MEIS3: variants seen among roughly 807,000 people sequenced by gnomAD.
MEIS3 encodes homeobox protein Meis3.
Under a neutral mutation model 51.4 loss-of-function variants are expected in MEIS3, and 38 were observed. The observed-to-expected ratio is 0.74, with a 90% CI of 0.57 to 0.97. The LOEUF is 0.97. Ranked by LOEUF, MEIS3 falls within the 50% of genes least tolerant of loss-of-function variation. The probability of loss-of-function intolerance (pLI) is 0.00; values close to 1 mark genes in which losing one functional copy is unlikely to be tolerated. For synonymous variants in MEIS3, 198 were observed against 201.8 expected (o/e 0.98, Z 0.16); for missense variants, 456 against 502.6 (o/e 0.91, Z 0.89).
intron 11 of MEIS3, 71 bp downstream of exon 11, chr19:47,406,817 G>T: frequency 7.4e-7 from 1 of 1,346,794 alleles, no homozygotes; most frequent in Non-Finnish European, 1.0e-6. Context: ...TGAATCTCAG[G>T]TGGGCATCTT....
chr19:47,420,776 T>C (rs1014843671), upstream of MEIS3, among the ~76,000 whole-genome samples: 3 of 134,310 alleles, frequency 2.2e-5, no homozygotes, highest in Non-Finnish European at 3.2e-5. Flanking sequence ...TGGGGGAGGA[T>C]GGAGGATGCC....
chr19:47,417,659 TGACAGA>T (rs765360145), intron 1 of MEIS3: 33 of 702,028 alleles, frequency 4.7e-5, no homozygotes, highest in Non-Finnish European at 7.0e-5. Context: ...GAGAAGACAG[TGACAGA>T]GACAGAGAGA....
At chr19:47,404,710 G>A (rs1970737563) in intron 12 of MEIS3, among the ~76,000 whole-genome samples, 1 of 152,046 alleles carries the variant, frequency 6.6e-6, no homozygotes, top group Non-Finnish European at 1.5e-5. Flanking sequence ...CCTCCTCCAG[G>A]AAGCCCTCTC....
Position 47,406,933 on chromosome 19 carries a change from C to T in MEIS3, c.1033G>A (p.Gly345Arg), listed in dbSNP as rs1568419570. The change falls in exon 11 of 13, where the codon GGG becomes AGG. Residue 345 changes from glycine to arginine, a missense_variant. Coordinates refer to ENST00000558555, the MANE Select transcript of MEIS3 (RefSeq NM_001301059.2). ...TGTGGCTGCGTCTCGGTATAGCCCC[C>T]GATGGGCTGGCCCTCTGGGCTGAAG... ...AAFSPEGQPI[G>R]GYTETQPHVA... is the part of the protein sequence containing the mutation. The T allele has an allele frequency of 6.3e-7, 1 of 1,579,204 alleles. No individual in the cohort carries two copies. Among genetic ancestry groups the T allele is most frequent in the East Asian group, 2.3e-5 (1 of 43,358 alleles).
rs777052659 is a variant in MEIS3, at chr19:47,407,064, G to A, written c.994+15C>T. The A allele has an allele frequency of 1.2e-5, 20 of 1,607,004 alleles. No individual in the cohort carries two copies. The highest frequency in any genetic ancestry group is 1.4e-5 in the Non-Finnish European group (17 of 1,177,326). ...TAAGAACCCCAGGCTCTCCGTCCCC[G>A]CCTTCCCCCTGTACCTGTGCGGTTG... On this transcript the variant is annotated intron_variant, in intron 10 of 12. Coordinates refer to ENST00000558555, the MANE Select transcript of MEIS3 (RefSeq NM_001301059.2).
Position 47,403,318 on chromosome 19 carries a change from G to A in MEIS3, c.*253C>T. The stretch of plus-strand genomic sequence containing the variant: ...GCCATCTTCTGGGGACCAAGGCCCA[G>A]GAGCCCAGCTCGGGTCCCAGGCAGA... On this transcript the variant is annotated 3_prime_UTR_variant, in exon 13 of 13. Transcript: ENST00000558555. 4.7e-6 allele frequency: 2 copies of A among 424,754 alleles called. No individual in the cohort carries two copies. Among genetic ancestry groups the A allele is most frequent in the Non-Finnish European group, 9.4e-6 (2 of 213,316 alleles). The allele number at this position is 424,754 out of a possible 1,614,324, so 26.3% of individuals were successfully genotyped here. A position where few individuals can be genotyped will look rare whatever the true frequency, so the allele number is the denominator to read the frequency against.
intron 7 of MEIS3, 30 bp downstream of exon 7, chr19:47,409,406 T>C: frequency 6.3e-7 from 1 of 1,595,116 alleles, no homozygotes; most frequent in Non-Finnish European, 8.6e-7. Flanking sequence ...TTGACTCCCA[T>C]GTTTCCCTTC....
intron 6 of MEIS3, among the ~76,000 whole-genome samples, chr19:47,411,196 CAA>C (rs1198516296): frequency 6.6e-6 from 1 of 152,176 alleles, no homozygotes; most frequent in Non-Finnish European, 1.5e-5. Context: ...TTCTGCCTCC[CAA>C]AGTCTTGGAT....
At chr19:47,420,489 G>A (rs567668674), upstream of MEIS3, among the ~76,000 whole-genome samples, 9 of 150,136 alleles carry the variant, frequency 6.0e-5, no homozygotes, top group Non-Finnish European at 8.8e-5. Flanking sequence ...AACTGGAGTG[G>A]GGAGGGAGGT....
intron 1 of MEIS3, 103 bp from the exon 2 acceptor site, chr19:47,417,453 C>T (rs751936676): frequency 8.5e-6 from 12 of 1,405,652 alleles, no homozygotes; most frequent in Middle Eastern, 1.8e-4. Flanking sequence ...AGATGCCCTT[C>T]TGTGTCCCAG....
chr19:47,408,366 C>A (rs542762327), intron 8 of MEIS3, among the ~76,000 whole-genome samples: 1 of 152,210 alleles, frequency 6.6e-6, no homozygotes, highest in African/African-American at 2.4e-5. Context: ...AAGTGATCCT[C>A]CTGCCATGGC....
chr19:47,420,932 ACACACACACT>A (rs1971690230), upstream of MEIS3, among the ~76,000 whole-genome samples: 8 of 109,700 alleles, frequency 7.3e-5, no homozygotes, highest in African/African-American at 3.8e-4. Context: ...ACACACACAC[ACACACACACT>A]CTCTCTCTCT....
intron 1 of MEIS3, 37 bp downstream of exon 1, chr19:47,419,033 A>G: frequency 1.6e-6 from 2 of 1,236,372 alleles, no homozygotes; most frequent in South Asian, 3.6e-5. Context: ...GGGGTGCGGA[A>G]GCGGCCGGGA....
intron 6 of MEIS3, among the ~76,000 whole-genome samples, chr19:47,413,456 C>T (rs1230185967): frequency 6.7e-6 from 1 of 150,346 alleles, no homozygotes; most frequent in East Asian, 1.9e-4. Context: ...GTGGCGTGGT[C>T]GTCATAGGAG....
chr19:47,404,072 C>T (rs866307910), intron 12 of MEIS3, among the ~76,000 whole-genome samples: 5 of 152,018 alleles, frequency 3.3e-5, no homozygotes, highest in Admixed American at 6.6e-5. Context: ...GGTATGGTGG[C>T]GCACGCCTGT....
At chr19:47,405,160 T>C (rs1970755037) in intron 12 of MEIS3, among the ~76,000 whole-genome samples, 1 of 152,228 alleles carries the variant, frequency 6.6e-6, no homozygotes, top group Non-Finnish European at 1.5e-5. Flanking sequence ...TCTCTGAACC[T>C]CAGTCTTCTT....
chr19:47,417,628 A>G (rs1022711621), intron 1 of MEIS3: 1 of 702,834 alleles, frequency 1.4e-6, no homozygotes, highest in Non-Finnish European at 2.6e-6. Context: ...TGGGAGGGAA[A>G]AGAGATGGAG....
At chr19:47,414,300 A>G (rs1481666175) in intron 6 of MEIS3, among the ~76,000 whole-genome samples, 1 of 152,082 alleles carries the variant, frequency 6.6e-6, no homozygotes, top group African/African-American at 2.4e-5. Context: ...GTGTGTATGC[A>G]GTGGACACAT....
At chr19:47,404,961 T>C in intron 12 of MEIS3, among the ~76,000 whole-genome samples, 1 of 152,204 alleles carries the variant, frequency 6.6e-6, no homozygotes, top group East Asian at 1.9e-4. Flanking sequence ...GATGGACAGA[T>C]GGATGCTAAA....
Sources: gnomAD v4.1 joint callset for allele counts (sites outside exome capture counted in the v4.1 genomes callset) on GRCh38, gnomAD v4.1.1 for gene constraint, MANE v1.5 for transcripts, NCBI Gene and HGNC (gene_info 2026-07-23, HGNC 2026-07-21) for gene names.